Variants in ZGPAT observed in about 807,000 individuals in gnomAD.
ZGPAT encodes the protein zinc finger CCCH-type and G-patch domain containing, also known as zinc finger CCCH-type with G patch domain-containing protein.
ZGPAT carries 39 observed loss-of-function variants against 47.9 expected under a neutral mutation model. The ratio of observed to expected loss-of-function variants is 0.81; its 90% confidence interval spans 0.63 to 1.06. The LOEUF (loss-of-function observed/expected upper bound fraction) is 1.06. ZGPAT is among the 50% of genes least tolerant of loss of function. The pLI is 0.00. For synonymous variants in ZGPAT, 348 were observed against 292.9 expected (o/e 1.19, Z -1.92); for missense variants, 717 against 681.4 (o/e 1.05, Z -0.58).
intron 2 of ZGPAT, among the ~76,000 whole-genome samples, chr20:63,714,030 A>G (rs2091700095): frequency 6.6e-6 from 1 of 152,090 alleles, no homozygotes; most frequent in Non-Finnish European, 1.5e-5. Flanking sequence ...TATATATGTG[A>G]ATAGAGATAA....
At position 63,736,014 on chromosome 20, in the gene ZGPAT, C is replaced by T; in HGVS notation, c.*95C>T. ...CCCGAGGAGGGGCCGGCCTGCTGGC[C>T]TGGGGCGTGCAGACACTGCTGAGTG... On this transcript the variant is annotated 3_prime_UTR_variant, in exon 7 of 7. Transcript: ENST00000355969. 6.6e-7 allele frequency: 1 copy of T among 1,519,998 alleles called. No individual in the cohort carries two copies. The highest frequency in any genetic ancestry group is 8.9e-7 in the Non-Finnish European group (1 of 1,129,258). 94.2% of individuals were successfully genotyped at this position (1,519,998 alleles called of 1,614,324 possible). A position where few individuals can be genotyped will look rare whatever the true frequency, so the allele number is the denominator to read the frequency against.
intron 2 of ZGPAT, among the ~76,000 whole-genome samples, chr20:63,732,812 GTA>G (rs146710035): frequency 0.19 from 29,054 of 151,790 alleles, 3,719 homozygotes; most frequent in East Asian, 0.61. Context: ...TTATGCGTGT[GTA>G]TGTGTACTTG....
Position 63,708,557 on chromosome 20 carries a change from G to A in ZGPAT, c.-24G>A, listed in dbSNP as rs376082227. ...AGCTGGCTTCTCTTCTTGCAGCCCT[G>A]GTCCAGCGCCTCCCTCTCTCAGCAT... On this transcript the variant is annotated 5_prime_UTR_variant, in exon 2 of 7. Transcript: ENST00000355969. 159 of 1,560,282 alleles carry A rather than the reference G, an allele frequency of 1.0e-4. No homozygotes were observed. Among genetic ancestry groups the A allele is most frequent in the Non-Finnish European group, 1.4e-4 (157 of 1,149,310 alleles).
At chr20:63,722,207 C>G (rs887525238) in intron 2 of ZGPAT, among the ~76,000 whole-genome samples, 1 of 152,130 alleles carries the variant, frequency 6.6e-6, no homozygotes, top group African/African-American at 2.4e-5. Flanking sequence ...ATCAGAAATA[C>G]AGGTTGCCTT....
At chr20:63,731,564 GTGTA>G (rs1383282222) in intron 2 of ZGPAT, among the ~76,000 whole-genome samples, 2 of 139,674 alleles carry the variant, frequency 1.4e-5, no homozygotes, top group African/African-American at 6.1e-5. Context: ...CCCTTGGTGT[GTGTA>G]TGTGTGCATG....
In ZGPAT at chr20:63,735,941, C is replaced by T. The variant is rs765130079; in HGVS notation, c.*22C>T. 2.1e-5 allele frequency: 34 copies of T among 1,598,664 alleles called. No individual in the cohort carries two copies. Among genetic ancestry groups the T allele is most frequent in the Middle Eastern group, 1.7e-4 (1 of 6,026 alleles). On this transcript the variant is annotated 3_prime_UTR_variant, in exon 7 of 7. Transcript: ENST00000355969. ...CTAGAGACCCCACAAGCACTATGGACGAAGCGTGGGACCCCAGCACGGGCT... is the reference window on the plus strand; with the variant it reads ...CTAGAGACCCCACAAGCACTATGGATGAAGCGTGGGACCCCAGCACGGGCT...
chr20:63,710,153 C>G (rs1423121922), intron 2 of ZGPAT, among the ~76,000 whole-genome samples: 1 of 149,700 alleles, frequency 6.7e-6, no homozygotes, highest in Non-Finnish European at 1.5e-5. Context: ...AGCCACCGCG[C>G]CTGGCCTTTT....
Position 63,725,185 on chromosome 20 carries a change from C to T in ZGPAT, c.585-8034C>T, listed in dbSNP as rs111568673. The stretch of plus-strand genomic sequence containing the variant: ...ATTTTTAGGAGAGATGGGGTTTCAC[C>T]GTGTTAGCCAGGATGGTCTTGATCT... On this transcript the variant is annotated intron_variant, in intron 2 of 6. Coordinates refer to ENST00000355969, the MANE Select transcript of ZGPAT (RefSeq NM_181485.3). Among the ~76,000 whole-genome samples the T allele has an allele frequency of 7.5e-3, 1,134 of 151,968 alleles. 12 individuals are homozygous for T. Among genetic ancestry groups the T allele is most frequent in the African/African-American group, 0.025 (1,056 of 41,438 alleles).
intron 2 of ZGPAT, 127 bp from the exon 3 acceptor site, chr20:63,733,090 GTA>G: frequency 3.3e-6 from 4 of 1,202,976 alleles, no homozygotes; most frequent in Non-Finnish European, 2.3e-6. Context: ...GTGAGAGTGT[GTA>G]TGTATACGCA....
At chr20:63,731,615 G>T (rs2091904593) in intron 2 of ZGPAT, among the ~76,000 whole-genome samples, 1 of 151,276 alleles carries the variant, frequency 6.6e-6, no homozygotes, top group Admixed American at 6.6e-5. Flanking sequence ...GGCCCTTGGT[G>T]TGTGTGTGAT....
intron 2 of ZGPAT, among the ~76,000 whole-genome samples, chr20:63,731,121 T>A (rs1232212885): frequency 6.6e-6 from 1 of 152,164 alleles, no homozygotes; most frequent in East Asian, 1.9e-4. Flanking sequence ...CACATCTGCC[T>A]TGATGCACTG....
rs536741087 is a variant in ZGPAT, at chr20:63,723,216, T to C, written c.585-10003T>C. Among the ~76,000 whole-genome samples, 12 of 139,112 alleles carry C rather than the reference T, an allele frequency of 8.6e-5. 1 individual carries two copies. Among genetic ancestry groups the C allele is most frequent in the Admixed American group, 8.5e-4 (12 of 14,118 alleles). The allele number at this position is 139,112 out of a possible 152,430, so 91.3% of individuals were successfully genotyped here. On this transcript the variant is annotated intron_variant, in intron 2 of 6. Coordinates refer to ENST00000355969, the MANE Select transcript of ZGPAT (RefSeq NM_181485.3). The stretch of plus-strand genomic sequence containing the variant: ...TCTGACATAGCTCCATCCTCCCTTC[T>C]CCTGTGTCATAGCTCCATCCTCCCT...
intron 2 of ZGPAT, among the ~76,000 whole-genome samples, chr20:63,721,355 T>TAA (rs201321716): frequency 5.3e-5 from 6 of 112,220 alleles, no homozygotes; most frequent in South Asian, 2.7e-4. Flanking sequence ...CTGTCTCAAA[T>TAA]AAAAAAAAAA....
intron 2 of ZGPAT, among the ~76,000 whole-genome samples, chr20:63,716,437 C>T (rs565976189): frequency 6.6e-6 from 1 of 151,982 alleles, no homozygotes; most frequent in Non-Finnish European, 1.5e-5. Flanking sequence ...TTTTATAGCC[C>T]TAGTTATTTC....
chr20:63,733,753 T>C lies in ZGPAT; in HGVS notation c.871+14T>C. ...GCTATGCCAGAGGTATGGCAGCAGC[T>C]GCGGAGCCCAGGAGCCAGGAAGGTG... On this transcript the variant is annotated intron_variant, in intron 4 of 6. Transcript: ENST00000355969. 6.2e-7 allele frequency: 1 copy of C among 1,600,080 alleles called. No individual in the cohort carries two copies. The highest frequency in any genetic ancestry group is 1.1e-5 in the South Asian group (1 of 89,188).
Position 63,735,359 on chromosome 20 carries a change from C to A in ZGPAT, c.1192C>A (p.Leu398Ile). The A allele has an allele frequency of 2.6e-6, 4 of 1,546,448 alleles. No homozygotes were observed. Among genetic ancestry groups the A allele is most frequent in the Non-Finnish European group, 3.5e-6 (4 of 1,150,400 alleles). Reference sequence around the variant, plus strand: ...AGCTCCTCGGAATGTGTTTGACTTCCTCAATGAAAAGCTGCAAGGTCAGGC... The same window carrying A: ...AGCTCCTCGGAATGTGTTTGACTTCATCAATGAAAAGCTGCAAGGTCAGGC... Reference protein sequence around the residue: ...RPAPRNVFDFLNEKLQGQAPG... With the variant: ...RPAPRNVFDFINEKLQGQAPG... Residue 398 changes from leucine to isoleucine, a missense_variant, in exon 6 of 7, where the codon CTC becomes ATC. Leu to Ile is a conservative substitution (Grantham distance 5). Coordinates refer to ENST00000355969, the MANE Select transcript of ZGPAT (RefSeq NM_181485.3).
intron 2 of ZGPAT, among the ~76,000 whole-genome samples, chr20:63,717,224 A>G (rs2091738081): frequency 6.8e-6 from 1 of 146,512 alleles, no homozygotes; most frequent in African/African-American, 2.5e-5. Flanking sequence ...TTCCATTTTA[A>G]CCTTTGTTTC....
intron 2 of ZGPAT, among the ~76,000 whole-genome samples, chr20:63,713,432 A>G (rs996036575): frequency 3.3e-5 from 5 of 151,716 alleles, no homozygotes; most frequent in African/African-American, 1.2e-4. Flanking sequence ...GGGTTTCACC[A>G]TGTAGCCAGG....
At position 63,724,521 on chromosome 20, in the gene ZGPAT, A is replaced by T. The variant is rs142386513; in HGVS notation, c.585-8698A>T. Among the ~76,000 whole-genome samples the T allele has an allele frequency of 4.1e-4, 63 of 152,260 alleles. 3 individuals are homozygous for T. The East Asian group carries it at 0.011, about 26-fold the overall frequency. ...ACATAGCGAGACTCCATCTCTATTT[A>T]AAAAAGAAAGAAATTCAAAGAGAAA... On this transcript the variant is annotated intron_variant, in intron 2 of 6. Coordinates refer to ENST00000355969, the MANE Select transcript of ZGPAT (RefSeq NM_181485.3).
Sources: allele counts gnomAD v4.1 joint callset (sites outside exome capture counted in the v4.1 genomes callset), GRCh38; gene constraint gnomAD v4.1.1; transcripts MANE v1.5; gene names NCBI Gene and HGNC (gene_info 2026-07-23, HGNC 2026-07-21).